The following TNRC18 variants were observed in gnomAD, a reference collection of about 807,000 sequenced individuals.
TNRC18 encodes the protein trinucleotide repeat-containing gene 18 protein.
In TNRC18, 69 loss-of-function variants were observed where a neutral mutation model predicts 226.7. The ratio of observed to expected loss-of-function variants is 0.30; its 90% CI spans 0.25 to 0.37. The LOEUF (loss-of-function observed/expected upper bound fraction) is 0.37, where lower values mean the gene tolerates loss of function less well. TNRC18 is among the 10% of genes least tolerant of loss of function. The probability of loss-of-function intolerance (pLI) is 1.00; values close to 1 mark genes in which losing one functional copy is unlikely to be tolerated. For missense variants in TNRC18, 4,754 were observed against 4,256.6 expected (o/e 1.12, Z -3.25); for synonymous variants, 2,449 against 1,927.6 (o/e 1.27, Z -7.09).
In TNRC18 at chr7:5,411,750, A is replaced by G. The variant is rs1377607488; in HGVS notation, c.187+9310T>C. On this transcript the variant is annotated intron_variant, in intron 2 of 29. Transcript: ENST00000430969. The stretch of plus-strand genomic sequence containing the variant: ...CAGGAGAGAGGCAAAGGGAGTCTGA[A>G]GAACAATGGCTCTCCAGCACACCCA... Among the ~76,000 whole-genome samples the G allele has an allele frequency of 2.0e-5, 3 of 152,068 alleles. No individual in the cohort carries two copies. The East Asian group carries it at 5.8e-4, about 29-fold the overall frequency.
At chr7:5,310,983 T>G (rs1420635357) in intron 27 of TNRC18, among the ~76,000 whole-genome samples, 1 of 151,686 alleles carries the variant, frequency 6.6e-6, no homozygotes, top group East Asian at 1.9e-4. Flanking sequence ...TGCATGCACG[T>G]GCATGGATGC....
intron 27 of TNRC18, among the ~76,000 whole-genome samples, chr7:5,311,416 G>A (rs917147988): frequency 1.3e-5 from 2 of 152,224 alleles, no homozygotes; most frequent in Non-Finnish European, 2.9e-5. Context: ...CCAGGCCAAG[G>A]AGCTTCAATC....
At chr7:5,351,363 C>A (rs1266850433) in intron 17 of TNRC18, among the ~76,000 whole-genome samples, 1 of 152,122 alleles carries the variant, frequency 6.6e-6, no homozygotes, top group Non-Finnish European at 1.5e-5. Flanking sequence ...TCAAGTCACA[C>A]GCCCACACGA....
chr7:5,340,518 T>C (rs1290567701), intron 18 of TNRC18, among the ~76,000 whole-genome samples: 3 of 151,788 alleles, frequency 2.0e-5, no homozygotes, highest in Non-Finnish European at 4.4e-5. Flanking sequence ...GAGAGGATCA[T>C]TTGAAGTCAG....
intron 9 of TNRC18, among the ~76,000 whole-genome samples, chr7:5,375,495 A>G (rs956676683): frequency 7.2e-5 from 11 of 152,254 alleles, no homozygotes; most frequent in African/African-American, 2.6e-4. Flanking sequence ...GCACACAGCC[A>G]GGCCTGGCAG....
chr7:5,355,139 C>T (rs563353816), intron 16 of TNRC18, among the ~76,000 whole-genome samples: 1 of 152,334 alleles, frequency 6.6e-6, no homozygotes, highest in East Asian at 1.9e-4. Context: ...CTGCAGCTAG[C>T]CACAAACTTA....
intron 19 of TNRC18, chr7:5,325,528 A>C (rs1788824998): frequency 2.8e-6 from 1 of 354,110 alleles, no homozygotes; most frequent in Non-Finnish European, 5.1e-6. Flanking sequence ...GGTTCACGCC[A>C]TTCTCCTGCC....
intron 18 of TNRC18, among the ~76,000 whole-genome samples, chr7:5,338,610 T>A (rs1583826184): frequency 8.8e-6 from 1 of 113,458 alleles, no homozygotes; most frequent in Admixed American, 1.0e-4. Context: ...TGGGCAACGC[T>A]GCACATTAAA....
In TNRC18 at chr7:5,394,464, G is replaced by A. The variant is rs1584051985; in HGVS notation, c.319C>T (p.Leu107=). The change falls in exon 3 of 30, where the codon CTG becomes TTG. Residue 107 remains leucine, a synonymous_variant. Transcript: ENST00000430969. The surrounding 1 kb of genome is among the most constrained non-coding windows in gnomAD (Gnocchi z 4.5). Reference sequence around the variant, plus strand: ...CCTTCATGGGCGTGGGCGGCCCACAGCTGCACCATGGGCAGGTTGCTAGGG... The same window carrying A: ...CCTTCATGGGCGTGGGCGGCCCACAACTGCACCATGGGCAGGTTGCTAGGG... The part of the protein sequence containing the change: ...PTPSNLPMVQ[L]WAAHAHEGFS... 1 of 1,555,270 alleles carries A rather than the reference G, an allele frequency of 6.4e-7. No homozygotes were observed. Among genetic ancestry groups the A allele is most frequent in the Non-Finnish European group, 8.7e-7 (1 of 1,150,722 alleles).
At chr7:5,363,331 G>A (rs1052903774) in intron 11 of TNRC18, among the ~76,000 whole-genome samples, 12 of 151,892 alleles carry the variant, frequency 7.9e-5, no homozygotes, top group African/African-American at 2.2e-4. Flanking sequence ...GGCCAGGCGT[G>A]GTGGCTCACG....
At chr7:5,320,208 G>T in intron 24 of TNRC18, 110 bp downstream of exon 24, 1 of 820,662 alleles carries the variant, frequency 1.2e-6, no homozygotes, top group South Asian at 1.6e-5. Context: ...TCAGTTATGT[G>T]AGCCCACAAG....
chr7:5,364,997 G>A (rs1262168654), intron 11 of TNRC18, among the ~76,000 whole-genome samples: 2 of 150,564 alleles, frequency 1.3e-5, no homozygotes, highest in African/African-American at 4.9e-5. Flanking sequence ...ATGGCCAAAC[G>A]TGCAAAGGAG....
chr7:5,390,550 G>C lies in TNRC18; in HGVS notation c.422C>G (p.Pro141Arg). 2 of 1,613,532 alleles carry C rather than the reference G, an allele frequency of 1.2e-6. No individual in the cohort carries two copies. Among genetic ancestry groups the C allele is most frequent in the Non-Finnish European group, 1.7e-6 (2 of 1,179,730 alleles). The change falls in exon 4 of 30, where the codon CCC (proline) becomes CGC (arginine). Residue 141 changes from proline to arginine, a missense_variant. Coordinates refer to ENST00000430969, the MANE Select transcript of TNRC18 (RefSeq NM_001080495.3). ...NHLEPPSSGS[P>R]LLSQLGQPSI... Reference sequence around the variant, plus strand: ...GGGCTGACCCAGCTGGCTGAGGAGGGGGCTCCCACTGCTGGGGGGCTCCAG... The same window carrying C: ...GGGCTGACCCAGCTGGCTGAGGAGGCGGCTCCCACTGCTGGGGGGCTCCAG...
chr7:5,311,724 G>A (rs1258748327), intron 27 of TNRC18, among the ~76,000 whole-genome samples: 7 of 151,912 alleles, frequency 4.6e-5, no homozygotes, highest in East Asian at 1.9e-4. Context: ...AGGCTGAGGC[G>A]GGAAAACTGC....
At chr7:5,364,455 CA>C (rs1288942678) in intron 11 of TNRC18, among the ~76,000 whole-genome samples, 2 of 103,366 alleles carry the variant, frequency 1.9e-5, no homozygotes, top group East Asian at 2.8e-4. Context: ...GAGCCTGTCT[CA>C]AAGAAAACAC....
intron 2 of TNRC18, among the ~76,000 whole-genome samples, chr7:5,415,322 C>G (rs2128221554): frequency 6.6e-6 from 1 of 150,720 alleles, no homozygotes; most frequent in East Asian, 1.9e-4. Context: ...ACCTCTCAGA[C>G]CAGACCAGAC....
chr7:5,356,571 G>A (rs1287985649), intron 16 of TNRC18, among the ~76,000 whole-genome samples: 1 of 152,264 alleles, frequency 6.6e-6, no homozygotes, highest in Non-Finnish European at 1.5e-5. Flanking sequence ...CAAACTCTAT[G>A]ACGCACAAGG....
At chr7:5,351,473 G>A (rs907547113) in intron 17 of TNRC18, among the ~76,000 whole-genome samples, 1 of 148,370 alleles carries the variant, frequency 6.7e-6, no homozygotes, top group East Asian at 2.0e-4. Flanking sequence ...GGCAGAAAAC[G>A]TGAGTGCGGG....
intron 2 of TNRC18, among the ~76,000 whole-genome samples, chr7:5,409,817 A>C (rs1236790316): frequency 6.7e-6 from 1 of 148,540 alleles, no homozygotes; most frequent in African/African-American, 2.5e-5. Flanking sequence ...TCTACTAAAA[A>C]AAAAAAAAAA....
Sources: gnomAD v4.1 joint callset for allele counts (sites outside exome capture counted in the v4.1 genomes callset) on GRCh38, gnomAD v4.1.1 for gene constraint, Gnocchi (gnomAD v3.1) non-coding constraint, MANE v1.5 for transcripts, NCBI Gene and HGNC (gene_info 2026-07-23, HGNC 2026-07-21) for gene names.